FUS: variants seen among roughly 807,000 people sequenced by gnomAD.
FUS encodes RNA-binding protein FUS.
FUS carries 5 observed loss-of-function variants against 82.7 expected under a neutral mutation model. The ratio of observed to expected loss-of-function variants is 0.06; its 90% CI spans 0.03 to 0.13. FUS has a LOEUF of 0.13. Ranked by LOEUF, FUS falls within the 10% of genes least tolerant of loss-of-function variation. FUS has a pLI of 1.00. For synonymous variants in FUS, 281 were observed against 247.4 expected, an observed-to-expected ratio of 1.14 and a Z score of -1.27; for missense variants, 512 against 707.8, an observed-to-expected ratio of 0.72 and a Z score of 3.14.
chr16:31,186,894 C>G, intron 7 of FUS, 58 bp downstream of exon 7: 6 of 1,471,942 alleles, frequency 4.1e-6, no homozygotes, highest in Non-Finnish European at 4.8e-6. Context: ...TCTGATTGTT[C>G]ATTTGCAGAT....
chr16:31,182,149 C>T (rs1243362104), intron 1 of FUS: 1 of 500,952 alleles, frequency 2.0e-6, no homozygotes, highest in African/African-American at 1.9e-5. Context: ...GCCACCATGC[C>T]CGGCTAATTT....
Position 31,183,050 on chromosome 16 carries a change from CTG to C in FUS, c.190+388_190+389del, listed in dbSNP as rs1302327607. 1.6e-5 allele frequency: 5 copies of C among 308,800 alleles called. No homozygotes were observed. In the East Asian group the frequency reaches 2.5e-4, roughly 15 times the overall value. 19.1% of individuals were successfully genotyped at this position (308,800 alleles called of 1,614,324 possible). ...CCTGAGCAGCACTGAGATGTTGAAA[CTG>C]TTCCATATTTCTTTTCCGTGAAACA... On this transcript the variant is annotated intron_variant, in intron 3 of 14. Coordinates refer to ENST00000254108, the MANE Select transcript of FUS (RefSeq NM_004960.4).
rs1434445953 is a variant in FUS at position 31,190,412 on chromosome 16, AATTT to A, written c.1292+15_1292+18del. 1 of 1,613,910 alleles carries A rather than the reference AATTT, an allele frequency of 6.2e-7. No individual in the cohort carries two copies. The highest frequency in any genetic ancestry group is 8.5e-7 in the Non-Finnish European group (1 of 1,180,006). ...GTGTCCTAATCCGTGAGTGAAACTT[AATTT>A]TTTTCTTAGTTCTCTTGCATGCGTG... On this transcript the variant is annotated intron_variant, in intron 12 of 14. Coordinates refer to ENST00000254108, the MANE Select transcript of FUS (RefSeq NM_004960.4).
chr16:31,180,903 C>T (rs940876556), intron 1 of FUS, among the ~76,000 whole-genome samples: 5 of 149,804 alleles, frequency 3.3e-5, no homozygotes, highest in African/African-American at 9.7e-5. Context: ...GAGTTTTTCC[C>T]GCCTAAATTT....
chr16:31,192,922 T>TG (rs2079380090), downstream of FUS: 2 of 485,504 alleles, frequency 4.1e-6, no homozygotes, highest in Non-Finnish European at 8.2e-6. Context: ...ACTGAAGAGT[T>TG]GCTGCATCCT....
chr16:31,180,623 G>C (rs1010011914), intron 1 of FUS, among the ~76,000 whole-genome samples: 4 of 152,182 alleles, frequency 2.6e-5, no homozygotes, highest in African/African-American at 7.2e-5. Flanking sequence ...CGCGCTCTGC[G>C]GGCCCCTCCC....
downstream of FUS, chr16:31,193,668 T>TG (rs1233367422): frequency 3.8e-6 from 2 of 532,036 alleles, no homozygotes; most frequent in Non-Finnish European, 7.3e-6. Context: ...AGGTCCAGTT[T>TG]GGGGGGATCT....
At chr16:31,189,909 G>A in intron 10 of FUS, 115 bp downstream of exon 10, 1 of 1,585,834 alleles carries the variant, frequency 6.3e-7, no homozygotes, top group Non-Finnish European at 8.6e-7. Flanking sequence ...TTTAGCTGCG[G>A]TTTCAGGTAG....
rs565540429 is a variant in FUS at position 31,191,570 on chromosome 16, C to A, written c.*132C>A. The A allele has an allele frequency of 3.2e-4, 304 of 962,406 alleles. No individual in the cohort carries two copies. The highest frequency in any genetic ancestry group is 4.8e-4 in the Non-Finnish European group (289 of 605,120). The allele number at this position is 962,406 out of a possible 1,614,324, so 59.6% of individuals were successfully genotyped here. A position where few individuals can be genotyped will look rare whatever the true frequency, so the allele number is the denominator to read the frequency against. On this transcript the variant is annotated 3_prime_UTR_variant, in exon 15 of 15. Transcript: ENST00000254108. Reference sequence around the variant, plus strand: ...TCGGACTATGTAATTGTAACTATACCTCTGGTTCCCATTAAAAGTGACCAT... The same window carrying A: ...TCGGACTATGTAATTGTAACTATACATCTGGTTCCCATTAAAAGTGACCAT...
downstream of FUS, chr16:31,193,620 T>TAAA (rs1208598691): frequency 3.8e-6 from 2 of 529,448 alleles, no homozygotes; most frequent in Non-Finnish European, 7.3e-6. Flanking sequence ...GCCTTGACCT[T>TAAA]AAAAGGAAAT....
rs1423300240 is a variant in FUS at position 31,184,952 on chromosome 16, A to G, written c.537A>G (p.Gln179=). 1 of 1,613,764 alleles carries G rather than the reference A, an allele frequency of 6.2e-7. No individual in the cohort carries two copies. Among genetic ancestry groups the G allele is most frequent in the Non-Finnish European group, 8.5e-7 (1 of 1,179,976 alleles). The change falls in exon 6 of 15, where the codon CAA becomes CAG. Residue 179 remains glutamine, a synonymous_variant. Transcript: ENST00000254108. Reference sequence around the variant, plus strand: ...CTTTTCTCACAGGTAACTATGGCCAAGATCAATCCTCCATGAGTAGTGGTG... The same window carrying G: ...CTTTTCTCACAGGTAACTATGGCCAGGATCAATCCTCCATGAGTAGTGGTG... ...GGGGGGGNYG[Q]DQSSMSSGGG...
chr16:31,180,157 C>G lies in FUS; in HGVS notation c.-58C>G, dbSNP rs142684066. On this transcript the variant is annotated 5_prime_UTR_variant, in exon 1 of 15. Coordinates refer to ENST00000254108, the MANE Select transcript of FUS (RefSeq NM_004960.4). ...CGGGGCTGCTCAGTCCTCCAGGCGT[C>G]GGTACTCAGCGGTGTTGGAACTTCG... 6.3e-7 allele frequency: 1 copy of G among 1,595,412 alleles called. No individual in the cohort carries two copies. Among genetic ancestry groups the G allele is most frequent in the Non-Finnish European group, 8.5e-7 (1 of 1,170,862 alleles).
intron 7 of FUS, chr16:31,187,414 A>G (rs561005491): frequency 2.1e-5 from 5 of 235,230 alleles, no homozygotes; most frequent in Middle Eastern, 1.3e-3. Flanking sequence ...CACTACTTCA[A>G]GAAAGATTGG....
chr16:31,192,484 G>T, downstream of FUS: 1 of 517,134 alleles, frequency 1.9e-6, no homozygotes, highest in East Asian at 4.2e-5. Flanking sequence ...AACTTGGTTT[G>T]TAAGACAGCT....
intron 6 of FUS, 198 bp from the exon 7 acceptor site, chr16:31,186,604 C>A: frequency 1.6e-6 from 1 of 624,440 alleles, no homozygotes; most frequent in Non-Finnish European, 2.9e-6. Context: ...TAAACTGTGT[C>A]TGAGAAATTG....
upstream of FUS, chr16:31,180,137 C>G (rs1028316989): frequency 1.9e-6 from 3 of 1,569,484 alleles, no homozygotes; most frequent in African/African-American, 1.4e-5. Context: ...GGAGGCGGGG[C>G]TGCTCAGTCC....
intron 7 of FUS, 58 bp downstream of exon 7, chr16:31,186,894 C>T (rs2079278652): frequency 3.4e-6 from 5 of 1,471,824 alleles, no homozygotes; most frequent in Middle Eastern, 1.7e-4. Context: ...TCTGATTGTT[C>T]ATTTGCAGAT....
At chr16:31,192,968 C>T (rs947588654), downstream of FUS, 5 of 484,048 alleles carry the variant, frequency 1.0e-5, no homozygotes, top group African/African-American at 9.8e-5. Flanking sequence ...GAAACTATGA[C>T]TTTATTTTTT....
At position 31,186,814 on chromosome 16, in the gene FUS, T is replaced by C; in HGVS notation, c.777T>C (p.Arg259=). The C allele has an allele frequency of 6.2e-7, 1 of 1,614,206 alleles. No homozygotes were observed. Among genetic ancestry groups the C allele is most frequent in the Middle Eastern group, 1.6e-4 (1 of 6,062 alleles). ...GGRGGMGGSD[R]GGFNKFGGPR... ...TTGTCTTCTCCAGCGGAAGTGACCG[T>C]GGTGGCTTCAATAAATTTGGTGGTA... Residue 259 remains arginine (R), a synonymous_variant, in exon 7 of 15, where the codon CGT becomes CGC. Coordinates refer to ENST00000254108, the MANE Select transcript of FUS (RefSeq NM_004960.4).
Sources: gnomAD v4.1 joint callset for allele counts (sites outside exome capture counted in the v4.1 genomes callset) on GRCh38, gnomAD v4.1.1 for gene constraint, MANE v1.5 for transcripts, NCBI Gene and HGNC (gene_info 2026-07-23, HGNC 2026-07-21) for gene names.